The following GBP4 variants were observed in gnomAD, a reference collection of about 807,000 sequenced individuals.
The protein encoded by GBP4 is guanylate binding protein 4.
GBP4 carries 69 observed loss-of-function variants against 62.2 expected under a neutral mutation model. The observed-to-expected ratio is 1.11, with a 90% confidence interval of 0.91 to 1.36. The LOEUF (loss-of-function observed/expected upper bound fraction) is 1.36, where lower values mean the gene tolerates loss of function less well. Ranked by LOEUF, GBP4 falls within the 40% of genes most tolerant of loss-of-function variation. GBP4 has a pLI of 0.00. For synonymous variants in GBP4, 278 were observed against 274.6 expected, an observed-to-expected ratio of 1.01 and a Z score of -0.12; for missense variants, 697 against 759.3, an observed-to-expected ratio of 0.92 and a Z score of 0.96.
rs143739751 is a variant in GBP4, at chr1:89,192,374, G to GTTT, written c.670+529_670+530insAAA. 3.8e-4 allele frequency among the ~76,000 whole-genome samples: 58 copies of GTTT among 151,704 alleles called. 1 individual carries two copies. The highest frequency in any genetic ancestry group is 1.4e-3 in the African/African-American group (57 of 41,250). On this transcript the variant is annotated intron_variant, in intron 5 of 10. Coordinates refer to ENST00000355754, the MANE Select transcript of GBP4 (RefSeq NM_052941.5). ...TTTGACAGTCTTACTGGAAGCATAT[G>GTTT]TGTTTTTTTTTAACTTCCTGGATCG...
chr1:89,190,583 G>A (rs1398062916), intron 6 of GBP4, among the ~76,000 whole-genome samples: 5 of 151,562 alleles, frequency 3.3e-5, no homozygotes, highest in African/African-American at 4.9e-5. Context: ...ATATGTTTTT[G>A]TGTTTTATGG....
chr1:89,188,496 G>T, intron 8 of GBP4, 86 bp downstream of exon 8: 2 of 1,056,038 alleles, frequency 1.9e-6, no homozygotes, highest in Non-Finnish European at 2.9e-6. Context: ...TCCACAAATG[G>T]TGCTATATTC....
Position 89,192,892 on chromosome 1 carries a change from A to G in GBP4, c.670+12T>C. 1 of 1,612,190 alleles carries G rather than the reference A, an allele frequency of 6.2e-7. No homozygotes were observed. The highest frequency in any genetic ancestry group is 8.5e-7 in the Non-Finnish European group (1 of 1,178,536). On this transcript the variant is annotated intron_variant, in intron 5 of 10. Coordinates refer to ENST00000355754, the MANE Select transcript of GBP4 (RefSeq NM_052941.5). ...CACTGAACCTTCCCACATCCAGGCC[A>G]TGCTCTGATACCTGGAATCAGCTTC...
At chr1:89,193,729 A>C (rs1648250668) in intron 3 of GBP4, among the ~76,000 whole-genome samples, 1 of 152,224 alleles carries the variant, frequency 6.6e-6, no homozygotes, top group African/African-American at 2.4e-5. Flanking sequence ...ATGGCATATT[A>C]AGGCCACAAA....
At position 89,191,305 on chromosome 1, in the gene GBP4, G is replaced by T. The variant is rs1444747179; in HGVS notation, c.872C>A (p.Ala291Glu). Residue 291 changes from alanine (A) to glutamate (E), a missense_variant, in exon 6 of 11, where the codon GCA (alanine) becomes GAA (glutamate). Physicochemically the swap from Ala to Glu is moderately radical, Grantham distance 107. Coordinates refer to ENST00000355754, the MANE Select transcript of GBP4 (RefSeq NM_052941.5). ...TCCCTCTCTCAGGGTCTTGGTCTTT[G>T]CATGGGTGAAGATATAAGAACAGAA... ...DNFCSYIFTH[A>E]KTKTLREGII... The T allele has an allele frequency of 1.2e-6, 2 of 1,614,060 alleles. No individual in the cohort carries two copies. Among genetic ancestry groups the T allele is most frequent in the African/African-American group, 1.3e-5 (1 of 74,908 alleles).
chr1:89,198,042 A>T (rs988148078), intron 1 of GBP4, among the ~76,000 whole-genome samples: 4 of 152,156 alleles, frequency 2.6e-5, no homozygotes, highest in African/African-American at 9.7e-5. Flanking sequence ...GTCTAGTTAA[A>T]ACAATCCTAC....
In GBP4 at chr1:89,198,816, G is replaced by C; in HGVS notation, c.19C>G (p.His7Asp). 6.2e-7 allele frequency: 1 copy of C among 1,613,906 alleles called. No homozygotes were observed. The highest frequency in any genetic ancestry group is 8.5e-7 in the Non-Finnish European group (1 of 1,179,780). The stretch of plus-strand genomic sequence containing the variant: ...TTACCTGGTGTGGGCACTGCAGCGT[G>C]AAGAGTTCTCTCACCCATTGCTCTG... MGERTL[H>D]AAVPTPGYPE... The change falls in exon 1 of 11, where the codon CAC becomes GAC. Residue 7 changes from histidine to aspartate, a missense_variant. By Grantham distance (81) the His-to-Asp change is moderately conservative (BLOSUM62 -1). Transcript: ENST00000355754.
In GBP4 at chr1:89,184,996, T is replaced by C. The variant is rs1023575281; in HGVS notation, c.*258A>G. ...TAATCTTACCAGTTGTCTTTTTGCTTTCCTTAAATCTTTTCTAGGAATAAT... is the reference window on the plus strand; with the variant it reads ...TAATCTTACCAGTTGTCTTTTTGCTCTCCTTAAATCTTTTCTAGGAATAAT... On this transcript the variant is annotated 3_prime_UTR_variant, in exon 11 of 11. Transcript: ENST00000355754. 1 of 302,704 alleles carries C rather than the reference T, an allele frequency of 3.3e-6. No homozygotes were observed. Among genetic ancestry groups the C allele is most frequent in the African/African-American group, 2.2e-5 (1 of 46,104 alleles). The allele number at this position is 302,704 out of a possible 1,614,324, so 18.8% of individuals were successfully genotyped here. A position where few individuals can be genotyped will look rare whatever the true frequency, so the allele number is the denominator to read the frequency against.
rs776500852 is a variant in GBP4, at chr1:89,183,506, T to C, written c.*1748A>G. 3 of 152,192 alleles carry C rather than the reference T, an allele frequency of 2.0e-5. No individual in the cohort carries two copies. The highest frequency in any genetic ancestry group is 4.4e-5 in the Non-Finnish European group (3 of 68,032). The allele number at this position is 152,192 out of a possible 1,614,324, so 9.4% of individuals were successfully genotyped here. A position where few individuals can be genotyped will look rare whatever the true frequency, so the allele number is the denominator to read the frequency against. ...ATAAGACTTGGCTAAAATTTCATGA[T>C]GAAGATAACATAAGCAATTGCAGCA... On this transcript the variant is annotated 3_prime_UTR_variant, in exon 11 of 11. Transcript: ENST00000355754.
At position 89,185,253 on chromosome 1, in the gene GBP4, C is replaced by G. The variant is rs1043227339; in HGVS notation, c.*1G>C. On this transcript the variant is annotated 3_prime_UTR_variant, in exon 11 of 11. Coordinates refer to ENST00000355754, the MANE Select transcript of GBP4 (RefSeq NM_052941.5). ...TTTTCTTACCTGGAATATTCAGGCT[C>G]TTAAATACGTGAGCCAAGATATTTT... 26 of 1,576,466 alleles carry G rather than the reference C, an allele frequency of 1.6e-5. No homozygotes were observed. The highest frequency in any genetic ancestry group is 3.3e-4 in the Middle Eastern group (2 of 5,982).
chr1:89,187,923 AC>A (rs1251114786), intron 8 of GBP4, among the ~76,000 whole-genome samples: 1 of 152,224 alleles, frequency 6.6e-6, no homozygotes, highest in African/African-American at 2.4e-5. Flanking sequence ...GGAACACAGG[AC>A]AAAAGTTTCC....
intron 9 of GBP4, 123 bp from the exon 10 acceptor site, chr1:89,186,649 T>G (rs1648045490): frequency 1.2e-6 from 1 of 853,852 alleles, no homozygotes; most frequent in South Asian, 1.8e-5. Context: ...AATCTCTGAA[T>G]TATCTCACTA....
At position 89,186,461 on chromosome 1, in the gene GBP4, G is replaced by A; in HGVS notation, c.1579C>T (p.Gln527Ter). 1 of 1,613,888 alleles carries A rather than the reference G, an allele frequency of 6.2e-7. No individual in the cohort carries two copies. Among genetic ancestry groups the A allele is most frequent in the Non-Finnish European group, 8.5e-7 (1 of 1,179,852 alleles). The change falls in exon 10 of 11, where the codon CAG becomes TAG. Residue 527 changes from glutamine to a stop codon, truncating the protein, a stop_gained. Coordinates refer to ENST00000355754, the MANE Select transcript of GBP4 (RefSeq NM_052941.5). LOFTEE classifies it high-confidence loss of function. ...TCTTGAGCCTCCATCATTTGCTGCT[G>A]CTCCTTCTGTTTTTCTCTTAGCAGC... ...QELLREKQKE[Q>*]QQMMEAQERS...
rs369235999 is a variant in GBP4, at chr1:89,189,326, T to G, written c.1198-532A>C. ...TTACAATCCAGTTGCATTTTATCAC[T>G]ATGAATTAAGAGATTATTGTCACTT... On this transcript the variant is annotated intron_variant, in intron 7 of 10. Coordinates refer to ENST00000355754, the MANE Select transcript of GBP4 (RefSeq NM_052941.5). 3.7e-4 allele frequency among the ~76,000 whole-genome samples: 56 copies of G among 152,334 alleles called. 6 individuals carry two copies. Among genetic ancestry groups the G allele is most frequent in the Admixed American group, 9.1e-4 (14 of 15,312 alleles).
At chr1:89,185,563 G>T in intron 10 of GBP4, 94 bp from the exon 11 acceptor site, 2 of 684,100 alleles carry the variant, frequency 2.9e-6, no homozygotes, top group Non-Finnish European at 2.5e-6. Flanking sequence ...AAGCATATGT[G>T]TCTATTTCTC....
At chr1:89,190,735 T>C (rs1256030444) in intron 6 of GBP4, among the ~76,000 whole-genome samples, 3 of 151,876 alleles carry the variant, frequency 2.0e-5, no homozygotes, top group Non-Finnish European at 4.4e-5. Flanking sequence ...GCATTTTTAT[T>C]TGGAGACAAG....
rs1557475812 is a variant in GBP4, at chr1:89,193,417, A to G, written c.364-5T>C. The G allele has an allele frequency of 6.2e-7, 1 of 1,606,506 alleles. No individual in the cohort carries two copies. The highest frequency in any genetic ancestry group is 1.7e-5 in the Admixed American group (1 of 60,012). On this transcript the variant is annotated splice_region_variant and splice_polypyrimidine_tract_variant and intron_variant, in intron 3 of 10. Transcript: ENST00000355754. Reference sequence around the variant, plus strand: ...CGAGTCATTCTTAGGGTTACTCTAGAAAGCATATAAAGCAAAAGACTTAGG... The same window carrying G: ...CGAGTCATTCTTAGGGTTACTCTAGGAAGCATATAAAGCAAAAGACTTAGG...
Position 89,181,379 on chromosome 1 carries a change from A to G in GBP4, c.*3875T>C, listed in dbSNP as rs1257149594. 6.6e-6 allele frequency: 1 copy of G among 152,136 alleles called. No individual in the cohort carries two copies. Among genetic ancestry groups the G allele is most frequent in the African/African-American group, 2.4e-5 (1 of 41,426 alleles). 9.4% of individuals were successfully genotyped at this position (152,136 alleles called of 1,614,324 possible). On this transcript the variant is annotated 3_prime_UTR_variant, in exon 11 of 11. Coordinates refer to ENST00000355754, the MANE Select transcript of GBP4 (RefSeq NM_052941.5). Reference sequence around the variant, plus strand: ...AGAAGGAATTTCACAAGGTAATGTCATCAGTTAAGGCAGGAACAGGCCATT... The same window carrying G: ...AGAAGGAATTTCACAAGGTAATGTCGTCAGTTAAGGCAGGAACAGGCCATT...
chr1:89,181,465 C>A lies in GBP4; in HGVS notation c.*3789G>T. 1 of 152,650 alleles carries A rather than the reference C, an allele frequency of 6.6e-6. No homozygotes were observed. The highest frequency in any genetic ancestry group is 2.0e-4 in the South Asian group (1 of 4,932). 9.5% of individuals were successfully genotyped at this position (152,650 alleles called of 1,614,324 possible). A position where few individuals can be genotyped will look rare whatever the true frequency, so the allele number is the denominator to read the frequency against. Reference sequence around the variant, plus strand: ...CATCTGGACGTATGTACATGCAGGTCACAGGGGATATGATGGCTTAGCTTG... The same window carrying A: ...CATCTGGACGTATGTACATGCAGGTAACAGGGGATATGATGGCTTAGCTTG... On this transcript the variant is annotated 3_prime_UTR_variant, in exon 11 of 11. Coordinates refer to ENST00000355754, the MANE Select transcript of GBP4 (RefSeq NM_052941.5).
Sources: allele counts gnomAD v4.1 joint callset (sites outside exome capture counted in the v4.1 genomes callset), GRCh38; gene constraint gnomAD v4.1.1; transcripts MANE v1.5; gene names NCBI Gene and HGNC (gene_info 2026-07-23, HGNC 2026-07-21).